Variants in RAMP1 observed in about 807,000 individuals in gnomAD.
The protein encoded by RAMP1 is receptor activity-modifying protein 1.
RAMP1 carries 7 observed loss-of-function variants against 8.2 expected under a neutral mutation model. The ratio of observed to expected loss-of-function variants is 0.85; its 90% CI spans 0.49 to 1.60. The LOEUF (loss-of-function observed/expected upper bound fraction) is 1.60, where lower values mean the gene tolerates loss of function less well. RAMP1 is among the 40% of genes most tolerant of loss of function. The pLI is 0.00. For missense variants in RAMP1, 192 were observed against 202.4 expected, an observed-to-expected ratio of 0.95 and a Z score of 0.31; for synonymous variants, 92 against 84.7, an observed-to-expected ratio of 1.09 and a Z score of -0.47.
intron 1 of RAMP1, among the ~76,000 whole-genome samples, chr2:237,860,662 G>T (rs1030120697): frequency 6.6e-6 from 1 of 150,594 alleles, no homozygotes; most frequent in Non-Finnish European, 1.5e-5. Context: ...CCCTGGGAAG[G>T]CCGGAGCAGT....
intron 2 of RAMP1, among the ~76,000 whole-genome samples, chr2:237,900,887 C>A (rs1349755636): frequency 1.3e-5 from 2 of 152,230 alleles, no homozygotes; most frequent in Non-Finnish European, 1.5e-5. Context: ...GACCCAGGGG[C>A]CTTTGAAAAG....
rs200945748 is a variant in RAMP1 at position 237,885,231 on chromosome 2, CGAG to C, written c.191+7871_191+7873del. ...GAGAGGGAGGCTTCTTCTGAAATCA[CGAG>C]GGCTGTCTGGGCCAAGGGCAGGGTG... On this transcript the variant is annotated intron_variant, in intron 2 of 2. Coordinates refer to ENST00000254661, the MANE Select transcript of RAMP1 (RefSeq NM_005855.4). 0.014 allele frequency among the ~76,000 whole-genome samples: 2,187 copies of C among 152,294 alleles called. 186 individuals are homozygous for C. The East Asian group carries it at 0.23, about 16-fold the overall frequency.
chr2:237,908,562 C>G (rs1441635442), intron 2 of RAMP1, among the ~76,000 whole-genome samples: 1 of 152,064 alleles, frequency 6.6e-6, no homozygotes, highest in East Asian at 1.9e-4. Flanking sequence ...CTCAGACTCC[C>G]TCGTAGCTGG....
chr2:237,896,476 G>T (rs897510330), intron 2 of RAMP1, among the ~76,000 whole-genome samples: 2 of 152,228 alleles, frequency 1.3e-5, no homozygotes, highest in African/African-American at 4.8e-5. Context: ...GGGCCAAGCA[G>T]CCCCCAGGCA....
At position 237,903,852 on chromosome 2, in the gene RAMP1, G is replaced by A. The variant is rs956462220; in HGVS notation, c.192-7676G>A. Among the ~76,000 whole-genome samples, 5 of 152,254 alleles carry A rather than the reference G, an allele frequency of 3.3e-5. 1 individual carries two copies. Among genetic ancestry groups the A allele is most frequent in the South Asian group, 4.1e-4 (2 of 4,824 alleles). ...TGGGACTACAGGCACCCGCCACCAC[G>A]CCCGGCTAATTTTTTGTATTTTTGG... On this transcript the variant is annotated intron_variant, in intron 2 of 2. Transcript: ENST00000254661.
upstream of RAMP1, chr2:237,859,612 G>C (rs1163086361): frequency 1.3e-4 from 155 of 1,185,482 alleles, no homozygotes; most frequent in East Asian, 5.5e-3. Context: ...GGCCCGCGCC[G>C]CGGCGGGCTC....
intron 2 of RAMP1, among the ~76,000 whole-genome samples, chr2:237,884,778 A>G (rs1341488585): frequency 6.6e-6 from 1 of 152,188 alleles, no homozygotes; most frequent in Non-Finnish European, 1.5e-5. Flanking sequence ...AATACTGACC[A>G]TGGTAGCCTC....
chr2:237,865,702 CTA>C lies in RAMP1; in HGVS notation c.52+5977_52+5978del, dbSNP rs2062180991. Reference sequence around the variant, plus strand: ...GTTTCTGGCGGCAGCAGGGCCTGGCCTATGTCAAATCCTTGCTTGGAGGGGTG... The same window carrying C: ...GTTTCTGGCGGCAGCAGGGCCTGGCCTGTCAAATCCTTGCTTGGAGGGGTG... On this transcript the variant is annotated intron_variant, in intron 1 of 2. Coordinates refer to ENST00000254661, the MANE Select transcript of RAMP1 (RefSeq NM_005855.4). This position sits in a 1 kb window ranked among gnomAD's most constrained non-coding sequence, Gnocchi z 4.2. 6.6e-6 allele frequency among the ~76,000 whole-genome samples: 1 copy of C among 152,118 alleles called. No homozygotes were observed. The highest frequency in any genetic ancestry group is 1.5e-5 in the Non-Finnish European group (1 of 68,028).
intron 1 of RAMP1, among the ~76,000 whole-genome samples, chr2:237,876,774 G>T (rs1337712161): frequency 6.6e-6 from 1 of 152,164 alleles, no homozygotes; most frequent in African/African-American, 2.4e-5. Context: ...AGGGAGCACA[G>T]TTCATGCTTC....
Position 237,859,651 on chromosome 2 carries a change from A to T in RAMP1, c.-25A>T. 1 of 1,446,510 alleles carries T rather than the reference A, an allele frequency of 6.9e-7. No individual in the cohort carries two copies. The highest frequency in any genetic ancestry group is 1.5e-5 in the African/African-American group (1 of 67,556). 89.6% of individuals were successfully genotyped at this position (1,446,510 alleles called of 1,614,324 possible). ...CCTCAGCGGGGCGCGTGGCGAGCGG[A>T]CTCGACTCGGCACCGCTGTGCACCA... On this transcript the variant is annotated 5_prime_UTR_variant, in exon 1 of 3. Coordinates refer to ENST00000254661, the MANE Select transcript of RAMP1 (RefSeq NM_005855.4).
chr2:237,905,663 A>AAACT (rs2062643956), intron 2 of RAMP1, among the ~76,000 whole-genome samples: 1 of 152,156 alleles, frequency 6.6e-6, no homozygotes, highest in Non-Finnish European at 1.5e-5. Flanking sequence ...ACCAAAAACT[A>AAACT]AACTGCCTGC....
intron 2 of RAMP1, among the ~76,000 whole-genome samples, chr2:237,895,174 C>T (rs893128427): frequency 1.3e-5 from 2 of 152,114 alleles, no homozygotes; most frequent in African/African-American, 2.4e-5. Flanking sequence ...TAGAGCGAGT[C>T]AGGAGCGAGA....
Position 237,877,362 on chromosome 2 carries a change from G to GGTGA in RAMP1, c.191+3_191+6dup, listed in dbSNP as rs2062318051. 1.2e-6 allele frequency: 2 copies of GGTGA among 1,611,490 alleles called. No homozygotes were observed. The highest frequency in any genetic ancestry group is 1.7e-6 in the Non-Finnish European group (2 of 1,178,694). On this transcript the variant is annotated stop_gained and frameshift_variant and splice_region_variant. Transcript: ENST00000254661. LOFTEE classifies it high-confidence loss of function. This position sits in a 1 kb window ranked among gnomAD's most constrained non-coding sequence, Gnocchi z 4.4. ...TGGTGTGACTGGGGCAGGACCATCA[G>GGTGA]GTGAGTCCCATGGCCCCTGGTGGGC...
chr2:237,893,170 C>G (rs557854090), intron 2 of RAMP1, among the ~76,000 whole-genome samples: 1 of 152,332 alleles, frequency 6.6e-6, no homozygotes, highest in Non-Finnish European at 1.5e-5. Flanking sequence ...AAGGAGCAAC[C>G]TTGTTCTGTG....
chr2:237,887,259 C>T (rs555366617), intron 2 of RAMP1, among the ~76,000 whole-genome samples: 1 of 152,330 alleles, frequency 6.6e-6, no homozygotes, highest in East Asian at 1.9e-4. Context: ...CTCCCAGGAT[C>T]TATCCATTCA....
At chr2:237,876,247 C>T (rs2062302072) in intron 1 of RAMP1, among the ~76,000 whole-genome samples, 1 of 152,216 alleles carries the variant, frequency 6.6e-6, no homozygotes, top group African/African-American at 2.4e-5. Context: ...AGGGCAGCCA[C>T]CTCTCCTTGG....
intron 2 of RAMP1, among the ~76,000 whole-genome samples, chr2:237,881,263 C>T (rs1451365390): frequency 6.6e-6 from 1 of 152,212 alleles, no homozygotes; most frequent in Non-Finnish European, 1.5e-5. Flanking sequence ...ATTTTTACAG[C>T]TGTATAGTAC....
chr2:237,911,036 T>C (rs1410173625), intron 2 of RAMP1, among the ~76,000 whole-genome samples: 2 of 148,868 alleles, frequency 1.3e-5, no homozygotes, highest in African/African-American at 5.1e-5. Flanking sequence ...AATAACACTG[T>C]CACACATTGA....
intron 1 of RAMP1, among the ~76,000 whole-genome samples, chr2:237,861,899 G>A (rs551299302): frequency 6.6e-6 from 1 of 151,970 alleles, no homozygotes; most frequent in East Asian, 1.9e-4. Flanking sequence ...TTCCCTCTGA[G>A]CATCCTGTGT....
Sources: allele counts gnomAD v4.1 joint callset (sites outside exome capture counted in the v4.1 genomes callset), GRCh38; gene constraint gnomAD v4.1.1; non-coding constraint Gnocchi (gnomAD v3.1); transcripts MANE v1.5; gene names NCBI Gene and HGNC (gene_info 2026-07-23, HGNC 2026-07-21).